The following CTR9 variants were observed in gnomAD, a reference collection of about 807,000 sequenced individuals.
CTR9 encodes the protein CTR9 component of Paf1/RNA polymerase II complex, also known as RNA polymerase-associated protein CTR9 homolog.
A neutral mutation model predicts 152.1 loss-of-function variants in CTR9; 41 were observed. The ratio of observed to expected loss-of-function variants is 0.27; its 90% CI spans 0.21 to 0.35. CTR9 has a LOEUF of 0.35. CTR9 is among the 10% of genes least tolerant of loss of function. CTR9 has a pLI of 1.00. For missense variants in CTR9, 917 were observed against 1,424.4 expected, an observed-to-expected ratio of 0.64 and a Z score of 5.73; for synonymous variants, 476 against 496.2, an observed-to-expected ratio of 0.96 and a Z score of 0.54.
rs957474477 is a variant in CTR9 at position 10,768,106 on chromosome 11, C to T, written c.1905C>T (p.Ile635=). 6.2e-7 allele frequency: 1 copy of T among 1,614,058 alleles called. No homozygotes were observed. Among genetic ancestry groups the T allele is most frequent in the Non-Finnish European group, 8.5e-7 (1 of 1,180,024 alleles). The part of the protein sequence containing the change: ...EKRHQDRALA[I]YKQVLRNDAK... ...GTCATCAAGATCGTGCTCTGGCCAT[C>T]TACAAACAAGTACTCAGAAATGATG... The change falls in exon 15 of 25, where the codon ATC becomes ATT. Residue 635 remains isoleucine, a synonymous_variant. Coordinates refer to ENST00000361367, the MANE Select transcript of CTR9 (RefSeq NM_014633.5).
intron 9 of CTR9, 98 bp from the exon 10 acceptor site, chr11:10,764,010 TAACA>T (rs1222888918): frequency 3.7e-6 from 5 of 1,360,444 alleles, no homozygotes; most frequent in South Asian, 2.5e-5. Context: ...CCAGTTTAGA[TAACA>T]AACAATGGAT....
chr11:10,769,226 A>G (rs1311919928), intron 16 of CTR9, among the ~76,000 whole-genome samples: 1 of 152,192 alleles, frequency 6.6e-6, no homozygotes, highest in Middle Eastern at 3.2e-3. Context: ...TGTCTCGGGA[A>G]AAAAAAGAAA....
chr11:10,765,934 T>TA (rs1199186998), intron 12 of CTR9, among the ~76,000 whole-genome samples: 1 of 152,072 alleles, frequency 6.6e-6, no homozygotes, highest in African/African-American at 2.4e-5. Flanking sequence ...AACAACAACT[T>TA]ACATTTGTGT....
intron 2 of CTR9, 49 bp from the exon 3 acceptor site, chr11:10,754,909 T>C: frequency 6.4e-7 from 1 of 1,557,516 alleles, no homozygotes; most frequent in Non-Finnish European, 8.7e-7. Flanking sequence ...TACAACTTTT[T>C]ATATGGACAT....
At position 10,775,626 on chromosome 11, in the gene CTR9, G is replaced by C. The variant is rs1374055297; in HGVS notation, c.3088G>C (p.Asp1030His). ...GGATGAGGATAAACTTAAAATTGCT[G>C]ATGAAGGGTAGGATATTTTCTCTTT... Reference protein sequence around the residue: ...SSDEDKLKIADEGHPRNSNSN... With the variant: ...SSDEDKLKIAHEGHPRNSNSN... The change falls in exon 24 of 25, where the codon GAT (aspartate) becomes CAT (histidine). Residue 1030 changes from aspartate to histidine, a missense_variant. This residue lies in a region of CTR9 where 384 missense variants were observed against 398.4 expected (regional missense o/e 0.96). Coordinates refer to ENST00000361367, the MANE Select transcript of CTR9 (RefSeq NM_014633.5). 6.3e-7 allele frequency: 1 copy of C among 1,599,766 alleles called. No homozygotes were observed. The highest frequency in any genetic ancestry group is 2.2e-5 in the East Asian group (1 of 44,702).
chr11:10,768,562 G>T (rs1057182469), intron 16 of CTR9, 71 bp downstream of exon 16: 2 of 1,475,680 alleles, frequency 1.4e-6, no homozygotes, highest in African/African-American at 1.4e-5. Context: ...TAGCCATTCT[G>T]GCCCTGTCAT....
rs150328916 is a variant in CTR9 at position 10,776,179 on chromosome 11, G to A, written c.3095+546G>A. Reference sequence around the variant, plus strand: ...TGGCTTACCGCAACCTCCACCTTCCGGGTTCAAGCGATTCTCCTGCCTCAG... The same window carrying A: ...TGGCTTACCGCAACCTCCACCTTCCAGGTTCAAGCGATTCTCCTGCCTCAG... On this transcript the variant is annotated intron_variant, in intron 24 of 24. Transcript: ENST00000361367. 9.1e-3 allele frequency among the ~76,000 whole-genome samples: 1,382 copies of A among 152,174 alleles called. 23 individuals are homozygous for A. The highest frequency in any genetic ancestry group is 0.032 in the African/African-American group (1,313 of 41,516).
chr11:10,773,913 G>A (rs1590027127), intron 21 of CTR9, 99 bp from the exon 22 acceptor site: 1 of 538,348 alleles, frequency 1.9e-6, no homozygotes, highest in East Asian at 3.8e-5. Context: ...ATCCTTCATT[G>A]TCAAATGACA....
At chr11:10,765,008 G>C (rs996440954) in intron 12 of CTR9, among the ~76,000 whole-genome samples, 19 of 152,066 alleles carry the variant, frequency 1.2e-4, no homozygotes, top group Admixed American at 1.0e-3. Flanking sequence ...CAACTCCTTG[G>C]CATATCTGAT....
chr11:10,777,242 G>A (rs567273565), intron 24 of CTR9, among the ~76,000 whole-genome samples: 40 of 151,864 alleles, frequency 2.6e-4, no homozygotes, highest in Non-Finnish European at 3.8e-4. Context: ...AACCAGATTT[G>A]CAGTTCTGGC....
Position 10,760,298 on chromosome 11 carries a change from G to C in CTR9, c.718G>C (p.Val240Leu). 6.2e-7 allele frequency: 1 copy of C among 1,613,846 alleles called. No individual in the cohort carries two copies. Among genetic ancestry groups the C allele is most frequent in the East Asian group, 2.2e-5 (1 of 44,868 alleles). Reference protein sequence around the residue: ...KCVGALVGLAVLELNNKEADS... With the variant: ...KCVGALVGLALLELNNKEADS... ...CGTGGGAGCATTGGTTGGACTGGCTGTTCTAGAACTCAACAATAAAGAGGT... is the reference window on the plus strand; with the variant it reads ...CGTGGGAGCATTGGTTGGACTGGCTCTTCTAGAACTCAACAATAAAGAGGT... The change falls in exon 6 of 25, where the codon GTT becomes CTT. Residue 240 changes from valine to leucine, a missense_variant. Transcript: ENST00000361367.
At chr11:10,755,331 G>T in intron 3 of CTR9, 134 bp downstream of exon 3, 1 of 1,089,724 alleles carries the variant, frequency 9.2e-7, no homozygotes, top group Non-Finnish European at 1.3e-6. Context: ...AAGAAGAAAG[G>T]TTCCTCATTA....
intron 7 of CTR9, among the ~76,000 whole-genome samples, chr11:10,763,197 A>G (rs1863004671): frequency 6.9e-6 from 1 of 145,446 alleles, no homozygotes; most frequent in South Asian, 2.3e-4. Context: ...TGTGGTTAAT[A>G]GTTATGTGAC....
rs1474559660 is a variant in CTR9, at chr11:10,774,047, CAAT to C, written c.2764_2766del (p.Asn922del). ...AGGGAGGAGAGTTTGATGAATTTGT[CAAT>C]GATGACACTGATGATGACCTACCTA... On this transcript the variant is annotated inframe_deletion, in exon 22 of 25. Transcript: ENST00000361367. 6.2e-7 allele frequency: 1 copy of C among 1,611,986 alleles called. No individual in the cohort carries two copies. Among genetic ancestry groups the C allele is most frequent in the African/African-American group, 1.3e-5 (1 of 74,770 alleles).
intron 22 of CTR9, 80 bp from the exon 23 acceptor site, chr11:10,775,127 A>G (rs1863210797): frequency 2.7e-6 from 3 of 1,111,260 alleles, no homozygotes; most frequent in Middle Eastern, 2.0e-4. Flanking sequence ...TTCAGAATGA[A>G]TAATAATTTA....
chr11:10,763,201 A>C (rs551973803), intron 7 of CTR9, among the ~76,000 whole-genome samples: 1 of 145,240 alleles, frequency 6.9e-6, no homozygotes, highest in African/African-American at 2.5e-5. Flanking sequence ...GTTAATAGTT[A>C]TGTGACCTTA....
intron 8 of CTR9, 27 bp downstream of exon 8, chr11:10,763,565 T>C: frequency 6.4e-7 from 1 of 1,574,640 alleles, no homozygotes; most frequent in Non-Finnish European, 8.6e-7. Flanking sequence ...TCTAAATGTC[T>C]AATCTTTTTA....
In CTR9 at chr11:10,767,693, C is replaced by A; in HGVS notation, c.1687-113C>A. The A allele has an allele frequency of 1.5e-5, 13 of 867,712 alleles. No individual in the cohort carries two copies. Among genetic ancestry groups the A allele is most frequent in the East Asian group, 2.6e-5 (1 of 38,982 alleles). 53.8% of individuals were successfully genotyped at this position (867,712 alleles called of 1,614,324 possible). Reference sequence around the variant, plus strand: ...AAGAAAGAAAGAAAAGAAAGAAAACCACTGTTGTAATATAGTTTGTAAACC... The same window carrying A: ...AAGAAAGAAAGAAAAGAAAGAAAACAACTGTTGTAATATAGTTTGTAAACC... On this transcript the variant is annotated intron_variant, in intron 13 of 24. Coordinates refer to ENST00000361367, the MANE Select transcript of CTR9 (RefSeq NM_014633.5). The surrounding 1 kb of genome is among the most constrained non-coding windows in gnomAD (Gnocchi z 4.0).
intron 13 of CTR9, among the ~76,000 whole-genome samples, chr11:10,766,834 A>G (rs1863067636): frequency 6.6e-6 from 1 of 152,192 alleles, no homozygotes; most frequent in African/African-American, 2.4e-5. Context: ...CATATGAGAG[A>G]ACTTTATAGC....
Sources: allele counts gnomAD v4.1 joint callset (sites outside exome capture counted in the v4.1 genomes callset), GRCh38; gene constraint gnomAD v4.1.1; regional missense constraint gnomAD v4.1.1; non-coding constraint Gnocchi (gnomAD v3.1); transcripts MANE v1.5; gene names NCBI Gene and HGNC (gene_info 2026-07-23, HGNC 2026-07-21).